The following PTPRN2 variants were observed in gnomAD, a reference collection of about 807,000 sequenced individuals.
PTPRN2 encodes the protein receptor-type tyrosine-protein phosphatase N2.
PTPRN2 carries 74 observed loss-of-function variants against 118.8 expected under a neutral mutation model. The observed-to-expected ratio is 0.62, with a 90% CI of 0.52 to 0.76. PTPRN2 has a LOEUF of 0.76. Ranked by LOEUF, PTPRN2 falls within the 30% of genes least tolerant of loss-of-function variation. The pLI, the probability that PTPRN2 is intolerant of heterozygous loss-of-function variation, is 0.00. For missense variants in PTPRN2, 1,481 were observed against 1,394.4 expected, an observed-to-expected ratio of 1.06 and a Z score of -0.99; for synonymous variants, 641 against 608.0, an observed-to-expected ratio of 1.05 and a Z score of -0.80.
intron 3 of PTPRN2, among the ~76,000 whole-genome samples, chr7:158,281,319 T>C (rs1799408074): frequency 6.6e-6 from 1 of 152,114 alleles, no homozygotes; most frequent in Admixed American, 6.5e-5. Context: ...AGCAAATACA[T>C]TTTGTGTATG....
chr7:157,626,926 C>G (rs1160362249), intron 14 of PTPRN2, among the ~76,000 whole-genome samples: 2 of 152,234 alleles, frequency 1.3e-5, no homozygotes, highest in African/African-American at 2.4e-5. Context: ...GGTTGCCCAG[C>G]AAACATCACT....
intron 13 of PTPRN2, among the ~76,000 whole-genome samples, chr7:157,661,493 C>T (rs1471405670): frequency 1.2e-4 from 7 of 59,428 alleles, no homozygotes; most frequent in Non-Finnish European, 3.8e-4. Flanking sequence ...TCTAGCCCGG[C>T]GCTGCTCCGC....
intron 12 of PTPRN2, among the ~76,000 whole-genome samples, chr7:157,724,926 CAG>C (rs1205621823): frequency 2.6e-5 from 4 of 152,154 alleles, no homozygotes; most frequent in African/African-American, 4.8e-5. Flanking sequence ...TTAAATGGGA[CAG>C]AGTCAATATC....
chr7:158,538,128 C>T (rs563361046), intron 1 of PTPRN2, among the ~76,000 whole-genome samples: 16 of 152,224 alleles, frequency 1.1e-4, no homozygotes, highest in Admixed American at 5.2e-4. Flanking sequence ...CGGACGCTGG[C>T]GGAAAAGAGC....
chr7:158,194,393 G>T (rs1325966829), intron 4 of PTPRN2, among the ~76,000 whole-genome samples: 1 of 152,230 alleles, frequency 6.6e-6, no homozygotes, highest in East Asian at 1.9e-4. Flanking sequence ...GGCCCTTGCT[G>T]TCCGGCTCTG....
intron 12 of PTPRN2, among the ~76,000 whole-genome samples, chr7:157,897,719 A>G (rs994960477): frequency 2.6e-5 from 4 of 152,180 alleles, no homozygotes; most frequent in Non-Finnish European, 5.9e-5. Flanking sequence ...GCAGCTTCTT[A>G]TTTCAAGAGC....
At chr7:157,645,924 C>T (rs758444277) in intron 14 of PTPRN2, among the ~76,000 whole-genome samples, 12 of 152,216 alleles carry the variant, frequency 7.9e-5, no homozygotes, top group Admixed American at 2.6e-4. Context: ...AAGAAAACCA[C>T]GAGTTTAGAG....
At chr7:158,488,430 C>A (rs942132094) in intron 2 of PTPRN2, among the ~76,000 whole-genome samples, 1 of 152,204 alleles carries the variant, frequency 6.6e-6, no homozygotes, top group Non-Finnish European at 1.5e-5. Context: ...GGCGCCTCCA[C>A]CGTGGCTTCC....
At chr7:158,013,192 G>A (rs781345425) in intron 11 of PTPRN2, among the ~76,000 whole-genome samples, 10 of 152,240 alleles carry the variant, frequency 6.6e-5, no homozygotes, top group Non-Finnish European at 1.2e-4. Context: ...CAGGCTCCTT[G>A]AGGGAGATAC....
intron 3 of PTPRN2, 136 bp from the exon 4 acceptor site, chr7:158,205,409 A>G: frequency 1.6e-6 from 1 of 637,906 alleles, no homozygotes; most frequent in South Asian, 1.9e-5. Flanking sequence ...CTCTCACTGC[A>G]GTTTATCAAG....
In PTPRN2 at chr7:157,801,018, C is replaced by A. The variant is rs1805252171; in HGVS notation, c.1788+97655G>T. 6.7e-6 allele frequency among the ~76,000 whole-genome samples: 1 copy of A among 150,190 alleles called. No homozygotes were observed. Among genetic ancestry groups the A allele is most frequent in the Non-Finnish European group, 1.5e-5 (1 of 67,622 alleles). ...ATATATACACACATATACATATACA[C>A]ACACATATATATACACATATATATA... On this transcript the variant is annotated intron_variant, in intron 12 of 22. Transcript: ENST00000389418. The surrounding 1 kb of genome is among the most constrained non-coding windows in gnomAD (Gnocchi z 4.2).
intron 14 of PTPRN2, among the ~76,000 whole-genome samples, chr7:157,640,110 A>T (rs979157242): frequency 7.9e-5 from 12 of 152,376 alleles, no homozygotes; most frequent in African/African-American, 2.9e-4. Context: ...AACATCAAAG[A>T]GCAGGCTTAG....
At chr7:157,885,440 G>C (rs1385936715) in intron 12 of PTPRN2, among the ~76,000 whole-genome samples, 1 of 152,204 alleles carries the variant, frequency 6.6e-6, no homozygotes, top group Non-Finnish European at 1.5e-5. Context: ...CACCTGAGCA[G>C]AAGGGCATGG....
At chr7:158,169,305 C>T (rs1823310211) in intron 5 of PTPRN2, among the ~76,000 whole-genome samples, 1 of 151,810 alleles carries the variant, frequency 6.6e-6, no homozygotes, top group Non-Finnish European at 1.5e-5. Context: ...TGAAGTGGCA[C>T]AATCTCAGCT....
chr7:157,866,660 G>A (rs946682438), intron 12 of PTPRN2, among the ~76,000 whole-genome samples: 2 of 152,044 alleles, frequency 1.3e-5, no homozygotes, highest in Admixed American at 1.3e-4. Flanking sequence ...TCTGCACCGA[G>A]GCTGTCTGGC....
At chr7:158,011,357 T>C (rs928083869) in intron 11 of PTPRN2, among the ~76,000 whole-genome samples, 1 of 152,196 alleles carries the variant, frequency 6.6e-6, no homozygotes, top group Non-Finnish European at 1.5e-5. Flanking sequence ...TGTTTCAAAA[T>C]CCCTTATGAT....
intron 11 of PTPRN2, among the ~76,000 whole-genome samples, chr7:158,047,825 T>C (rs986297075): frequency 2.0e-5 from 3 of 152,184 alleles, no homozygotes; most frequent in Non-Finnish European, 4.4e-5. Flanking sequence ...GCCAGTCTTT[T>C]CTCAGTGCAA....
At chr7:157,639,225 T>G (rs1341379615) in intron 14 of PTPRN2, among the ~76,000 whole-genome samples, 1 of 152,070 alleles carries the variant, frequency 6.6e-6, no homozygotes, top group Admixed American at 6.6e-5. Context: ...CTGGTAGAGA[T>G]GGGGTTTCGC....
chr7:157,676,818 G>A lies in PTPRN2; in HGVS notation c.2001+5907C>T, dbSNP rs1796689794. On this transcript the variant is annotated intron_variant, in intron 13 of 22. Transcript: ENST00000389418. This position sits in a 1 kb window ranked among gnomAD's most constrained non-coding sequence, Gnocchi z 5.6. ...TGAGGACAGGGGGTGCCTAGGAACA[G>A]GGGCTCGGAAGGACCTGCTGTGCAT... Among the ~76,000 whole-genome samples the A allele has an allele frequency of 1.3e-5, 2 of 152,220 alleles. No homozygotes were observed. The highest frequency in any genetic ancestry group is 4.1e-4 in the South Asian group (2 of 4,834).
Sources: allele counts gnomAD v4.1 joint callset (sites outside exome capture counted in the v4.1 genomes callset), GRCh38; gene constraint gnomAD v4.1.1; non-coding constraint Gnocchi (gnomAD v3.1); transcripts MANE v1.5; gene names NCBI Gene and HGNC (gene_info 2026-07-23, HGNC 2026-07-21).